Variants in PLS3 observed in about 807,000 individuals in gnomAD.
PLS3 encodes the protein plastin 3, also known as plastin-3.
A neutral mutation model predicts 46.5 loss-of-function variants in PLS3; 11 were observed. The ratio of observed to expected loss-of-function variants is 0.24; its 90% CI spans 0.15 to 0.39. PLS3 has a LOEUF of 0.39. PLS3 is among the 10% of genes least tolerant of loss of function. The pLI is 1.00. For missense variants in PLS3, 308 were observed against 461.8 expected (o/e 0.67, Z 3.05); for synonymous variants, 167 against 162.2 (o/e 1.03, Z -0.22).
chrX:115,609,357 T>G (rs944534685), intron 1 of PLS3, among the ~76,000 whole-genome samples: 18 of 111,835 alleles, frequency 1.6e-4, no homozygotes, highest in Admixed American at 5.7e-4. Flanking sequence ...ATCAAGGATA[T>G]AATATATTAT....
At chrX:115,649,182 C>T (rs1055594991) in intron 15 of PLS3, among the ~76,000 whole-genome samples, 40 of 111,530 alleles carry the variant, frequency 3.6e-4, no homozygotes, top group African/African-American at 1.2e-3. Flanking sequence ...TCTCACCTCA[C>T]ATTGGAGAAA....
At chrX:115,624,885 T>C (rs1556638255) in intron 3 of PLS3, among the ~76,000 whole-genome samples, 1 of 111,940 alleles carries the variant, frequency 8.9e-6, no homozygotes, top group African/African-American at 3.2e-5. Flanking sequence ...GAAACAAACT[T>C]GGATTTCTGA....
At chrX:115,582,555 A>G (rs2074285010) in intron 1 of PLS3, among the ~76,000 whole-genome samples, 1 of 111,941 alleles carries the variant, frequency 8.9e-6, no homozygotes, top group South Asian at 3.7e-4. Flanking sequence ...TATACATTTG[A>G]ATGGTAAGGG....
intron 3 of PLS3, among the ~76,000 whole-genome samples, chrX:115,628,651 A>C (rs781787875): frequency 2.7e-5 from 3 of 111,806 alleles, no homozygotes; most frequent in Non-Finnish European, 5.6e-5. Context: ...AATCACTGAA[A>C]AGCCTCTTTT....
chrX:115,571,899 G>A (rs924402564), intron 1 of PLS3, among the ~76,000 whole-genome samples: 12 of 111,729 alleles, frequency 1.1e-4, no homozygotes, highest in African/African-American at 3.3e-4. Context: ...ATTTTCAAAA[G>A]CAAAAACCAG....
At chrX:115,591,807 T>A (rs1009984998) in intron 1 of PLS3, among the ~76,000 whole-genome samples, 2 of 112,343 alleles carry the variant, frequency 1.8e-5, no homozygotes, top group African/African-American at 6.5e-5. Flanking sequence ...AATGGAGAAT[T>A]TGGTACTCAG....
At chrX:115,605,447 T>A (rs781911391) in intron 1 of PLS3, among the ~76,000 whole-genome samples, 3 of 111,952 alleles carry the variant, frequency 2.7e-5, no homozygotes, top group Non-Finnish European at 3.8e-5. Flanking sequence ...ATTTCTTAAT[T>A]CATTTTTATT....
chrX:115,597,072 G>T (rs2074396711), intron 1 of PLS3, among the ~76,000 whole-genome samples: 2 of 109,834 alleles, frequency 1.8e-5, no homozygotes, highest in African/African-American at 6.6e-5. Flanking sequence ...TTGAACCCAG[G>T]AGGTGGAGGT....
At chrX:115,580,094 A>C (rs1556631681) in intron 1 of PLS3, among the ~76,000 whole-genome samples, 2 of 111,931 alleles carry the variant, frequency 1.8e-5, no homozygotes, top group African/African-American at 6.5e-5. Flanking sequence ...TGTATTCTAG[A>C]GTCTAATTCT....
At chrX:115,596,760 C>T (rs2074393273) in intron 1 of PLS3, among the ~76,000 whole-genome samples, 1 of 110,432 alleles carries the variant, frequency 9.1e-6, no homozygotes, top group East Asian at 2.8e-4. Flanking sequence ...TCGCTTGAAC[C>T]CAGGAGTCGG....
Position 115,634,820 on chromosome X carries a change from AAGT to A in PLS3, c.583-58_583-56del, listed in dbSNP as rs782527395. On this transcript the variant is annotated intron_variant, in intron 6 of 15. Coordinates refer to ENST00000355899, the MANE Select transcript of PLS3 (RefSeq NM_005032.7). The stretch of plus-strand genomic sequence containing the variant: ...GAATGTTATTTTCAGTGAAGGGAGA[AAGT>A]AGACTGCTAAAAAATGGAAAGGTCA... 55 of 1,031,130 alleles carry A rather than the reference AAGT, an allele frequency of 5.3e-5. No individual in the cohort carries two copies. In the African/African-American group the frequency reaches 9.8e-4, roughly 18 times the overall value. 85.0% of individuals were successfully genotyped at this position (1,031,130 alleles called of 1,213,427 possible).
intron 1 of PLS3, among the ~76,000 whole-genome samples, chrX:115,577,490 T>C (rs2074255573): frequency 1.8e-5 from 2 of 111,223 alleles, no homozygotes; most frequent in African/African-American, 6.5e-5. Flanking sequence ...GATTTTTTTT[T>C]TAATTGAGAC....
chrX:115,643,130 A>G (rs1055204667), intron 9 of PLS3, among the ~76,000 whole-genome samples, 183 bp from the exon 10 acceptor site: 3 of 111,452 alleles, frequency 2.7e-5, no homozygotes, highest in African/African-American at 6.5e-5. Context: ...CATCTAGTGT[A>G]TATTACAGGT....
At chrX:115,640,367 C>G (rs1304401839) in intron 8 of PLS3, 41 bp from the exon 9 acceptor site, 2 of 895,105 alleles carry the variant, frequency 2.2e-6, no homozygotes, top group Admixed American at 4.5e-5. Flanking sequence ...ACATTCATTC[C>G]TTGTAACTGT....
chrX:115,604,540 G>A (rs1191679441), intron 1 of PLS3, among the ~76,000 whole-genome samples: 1 of 111,743 alleles, frequency 8.9e-6, no homozygotes, highest in African/African-American at 3.3e-5. Flanking sequence ...AGCAGAACCA[G>A]AGCAATAATC....
chrX:115,618,070 G>A (rs1400031696), intron 2 of PLS3, among the ~76,000 whole-genome samples: 1 of 111,214 alleles, frequency 9.0e-6, no homozygotes, highest in African/African-American at 3.3e-5. Context: ...GGGATTACAG[G>A]CATGAGCCAC....
intron 2 of PLS3, chrX:115,614,659 T>G (rs1171645730): frequency 3.5e-5 from 15 of 433,913 alleles, no homozygotes; most frequent in Non-Finnish European, 4.3e-5. Context: ...TGGGATGGAA[T>G]ATAGTTTAAA....
intron 1 of PLS3, among the ~76,000 whole-genome samples, chrX:115,577,560 C>T: frequency 9.0e-6 from 1 of 110,773 alleles, no homozygotes; most frequent in East Asian, 2.8e-4. Flanking sequence ...TCACTGCAGC[C>T]TCTGCCTCCC....
intron 1 of PLS3, among the ~76,000 whole-genome samples, chrX:115,586,947 T>C (rs183845586): frequency 4.4e-5 from 5 of 112,614 alleles, no homozygotes; most frequent in African/African-American, 1.6e-4. Flanking sequence ...CTGCATACTT[T>C]ATAGGTTTGC....
Sources: allele counts gnomAD v4.1 joint callset (sites outside exome capture counted in the v4.1 genomes callset), GRCh38; gene constraint gnomAD v4.1.1; transcripts MANE v1.5; gene names NCBI Gene and HGNC (gene_info 2026-07-23, HGNC 2026-07-21).